The following CLPTM1 variants were observed in gnomAD, a reference collection of about 807,000 sequenced individuals.
The protein encoded by CLPTM1 is CLPTM1 regulator of GABA type A receptor forward trafficking, also known as putative lipid scramblase CLPTM1.
In CLPTM1, 21 loss-of-function variants were observed where a neutral mutation model predicts 77.3. The ratio of observed to expected loss-of-function variants is 0.27; its 90% CI spans 0.19 to 0.39. CLPTM1 has a LOEUF of 0.39. Among genes scored for constraint, CLPTM1 ranks in the 10% least tolerant of loss-of-function variants. CLPTM1 has a pLI of 1.00. For synonymous variants in CLPTM1, 373 were observed against 381.0 expected (o/e 0.98, Z 0.24); for missense variants, 642 against 921.2 (o/e 0.70, Z 3.92).
At chr19:44,981,421 G>A (rs1217376659) in intron 5 of CLPTM1, among the ~76,000 whole-genome samples, 1 of 152,026 alleles carries the variant, frequency 6.6e-6, no homozygotes, top group East Asian at 1.9e-4. Flanking sequence ...GATTACAGGC[G>A]TGAGCCAAAA....
intron 1 of CLPTM1, among the ~76,000 whole-genome samples, chr19:44,957,152 A>G (rs1970477033): frequency 6.6e-6 from 1 of 152,150 alleles, no homozygotes; most frequent in Non-Finnish European, 1.5e-5. Context: ...GCTGCTCTGA[A>G]CCTATTTTAT....
chr19:44,983,662 A>C (rs865840964), intron 5 of CLPTM1, among the ~76,000 whole-genome samples: 2 of 147,210 alleles, frequency 1.4e-5, no homozygotes, highest in Admixed American at 6.9e-5. Context: ...AAAAAAGAAA[A>C]ATACTTAGCT....
intron 2 of CLPTM1, 99 bp from the exon 3 acceptor site, chr19:44,972,988 G>A (rs1600025265): frequency 1.3e-6 from 2 of 1,527,126 alleles, no homozygotes; most frequent in Non-Finnish European, 1.8e-6. Context: ...CTAGCCCCAG[G>A]TCAGGCGCCA....
chr19:44,978,597 C>A (rs1970842987), intron 5 of CLPTM1, among the ~76,000 whole-genome samples: 1 of 151,904 alleles, frequency 6.6e-6, no homozygotes, highest in African/African-American at 2.4e-5. Flanking sequence ...TGCACTACAG[C>A]TTTCCAGCCT....
chr19:44,987,554 C>T, intron 8 of CLPTM1, 131 bp downstream of exon 8: 3 of 1,255,248 alleles, frequency 2.4e-6, no homozygotes, highest in Non-Finnish European at 3.3e-6. Context: ...CACAACCTCC[C>T]AGGTCCCTTC....
Position 44,992,752 on chromosome 19 carries a change from C to G in CLPTM1, c.1865C>G (p.Thr622Arg), listed in dbSNP as rs141261045. ...GTTCCCACAGCAGCAGGGGCCCTCACGCCCACACCTGCACCCACCACGACC... is the reference window on the plus strand; with the variant it reads ...GTTCCCACAGCAGCAGGGGCCCTCAGGCCCACACCTGCACCCACCACGACC... ...AEVPTAAGAL[T>R]PTPAPTTTTA... Residue 622 changes from threonine (T) to arginine (R), a missense_variant, in exon 14 of 14, where the codon ACG becomes AGG. Transcript: ENST00000337392. This position sits in a 1 kb window ranked among gnomAD's most constrained non-coding sequence, Gnocchi z 7.7. The G allele has an allele frequency of 4.9e-5, 79 of 1,612,760 alleles. No individual in the cohort carries two copies. Among genetic ancestry groups the G allele is most frequent in the Non-Finnish European group, 6.2e-5 (73 of 1,179,860 alleles).
At chr19:44,963,121 A>C (rs1970570717) in intron 2 of CLPTM1, among the ~76,000 whole-genome samples, 1 of 144,374 alleles carries the variant, frequency 6.9e-6, no homozygotes, top group South Asian at 2.4e-4. Flanking sequence ...GGGCAGGAGA[A>C]TCGTTTGAAC....
intron 2 of CLPTM1, among the ~76,000 whole-genome samples, chr19:44,971,562 T>A (rs1427506881): frequency 2.0e-5 from 3 of 152,228 alleles, no homozygotes; most frequent in South Asian, 4.1e-4. Context: ...ATTTAATTAA[T>A]TAATTGATTA....
intron 6 of CLPTM1, 26 bp from the exon 7 acceptor site, chr19:44,986,429 A>T (rs1408977180): frequency 6.2e-7 from 1 of 1,612,086 alleles, no homozygotes. Context: ...CCTGCCTCTG[A>T]GGTCCTTCCC....
upstream of CLPTM1, chr19:44,954,688 C>A (rs1970428829): frequency 3.7e-5 from 43 of 1,164,852 alleles, no homozygotes; most frequent in Non-Finnish European, 4.6e-5. Context: ...TGAAGCCTAG[C>A]CCACGGATGC....
chr19:44,977,314 C>T, intron 4 of CLPTM1, 29 bp from the exon 5 acceptor site: 6 of 1,567,790 alleles, frequency 3.8e-6, no homozygotes, highest in Non-Finnish European at 5.2e-6. Context: ...GTTGCCCAGC[C>T]TGCCCACCTG....
chr19:44,955,843 G>T (rs1970455783), intron 1 of CLPTM1: 1 of 208,828 alleles, frequency 4.8e-6, no homozygotes, highest in Admixed American at 5.9e-5. Context: ...TGTTTGAGGT[G>T]TGCGCAGTGA....
chr19:44,956,524 G>T (rs1970466563), intron 1 of CLPTM1, among the ~76,000 whole-genome samples: 1 of 152,216 alleles, frequency 6.6e-6, no homozygotes, highest in Admixed American at 6.5e-5. Flanking sequence ...AAATTTGTGT[G>T]ATAGAGCCCA....
In CLPTM1 at chr19:44,984,077, G is replaced by A. The variant is rs75196852; in HGVS notation, c.587-1141G>A. 5.9e-3 allele frequency among the ~76,000 whole-genome samples: 893 copies of A among 152,374 alleles called. 9 individuals are homozygous for A. Among genetic ancestry groups the A allele is most frequent in the African/African-American group, 0.021 (854 of 41,592 alleles). ...TGGGACAACATGGCAGGGGGCCTGT[G>A]GCCAACTGGGCCTCTGCGAGAGGAA... On this transcript the variant is annotated intron_variant, in intron 5 of 13. Transcript: ENST00000337392.
At position 44,990,723 on chromosome 19, in the gene CLPTM1, C is replaced by T. The variant is rs1971059057; in HGVS notation, c.1324-127C>T. On this transcript the variant is annotated intron_variant, in intron 10 of 13. Coordinates refer to ENST00000337392, the MANE Select transcript of CLPTM1 (RefSeq NM_001294.4). This position sits in a 1 kb window ranked among gnomAD's most constrained non-coding sequence, Gnocchi z 4.8. ...CCCAGGACTGAGGGGATTTTCTCAC[C>T]AGGGGATTTTTTGGGTCACACATGG... 1 of 1,328,714 alleles carries T rather than the reference C, an allele frequency of 7.5e-7. No homozygotes were observed. Among genetic ancestry groups the T allele is most frequent in the Non-Finnish European group, 1.1e-6 (1 of 943,776 alleles). 82.3% of individuals were successfully genotyped at this position (1,328,714 alleles called of 1,614,324 possible).
chr19:44,960,013 T>C (rs1366002816), intron 1 of CLPTM1, among the ~76,000 whole-genome samples: 1 of 152,212 alleles, frequency 6.6e-6, no homozygotes, highest in Non-Finnish European at 1.5e-5. Context: ...TGTCCTTTCC[T>C]GACCCCAAAT....
intron 3 of CLPTM1, among the ~76,000 whole-genome samples, chr19:44,973,497 G>A (rs558032934): frequency 4.6e-5 from 7 of 152,312 alleles, no homozygotes; most frequent in African/African-American, 1.4e-4. Context: ...TCAAAAGTAT[G>A]TTCAGCCTTT....
At chr19:44,987,905 CTT>C (rs960209446) in intron 8 of CLPTM1, 173 bp from the exon 9 acceptor site, 10 of 637,356 alleles carry the variant, frequency 1.6e-5, no homozygotes, top group Non-Finnish European at 2.8e-5. Flanking sequence ...TCTCTTCTGT[CTT>C]TGTGAGTCAC....
At chr19:44,973,761 G>GTTTTTTTTTTTTTTTTTTTT (rs71173113) in intron 3 of CLPTM1, among the ~76,000 whole-genome samples, 1 of 62,446 alleles carries the variant, frequency 1.6e-5, no homozygotes, top group African/African-American at 4.4e-5. Flanking sequence ...GTCACAGTGG[G>GTTTTTTTTTTTTTTTTTTTT]TTTTTTTTTT....
Sources: gnomAD v4.1 joint callset for allele counts (sites outside exome capture counted in the v4.1 genomes callset) on GRCh38, gnomAD v4.1.1 for gene constraint, Gnocchi (gnomAD v3.1) non-coding constraint, MANE v1.5 for transcripts, NCBI Gene and HGNC (gene_info 2026-07-23, HGNC 2026-07-21) for gene names.